The following MAST4 variants were observed in gnomAD, a reference collection of about 807,000 sequenced individuals.
MAST4 encodes the protein microtubule associated serine/threonine kinase family member 4.
Under a neutral mutation model 162.7 loss-of-function variants are expected in MAST4, and 89 were observed. The ratio of observed to expected loss-of-function variants is 0.55; its 90% confidence interval spans 0.46 to 0.65. The LOEUF is 0.65. MAST4 is among the 30% of genes least tolerant of loss of function. MAST4 has a pLI of 0.00. For synonymous variants in MAST4, 1,479 were observed against 1,361.1 expected, an observed-to-expected ratio of 1.09 and a Z score of -1.91; for missense variants, 3,153 against 3,374.0, an observed-to-expected ratio of 0.93 and a Z score of 1.62.
At chr5:66,809,911 T>C (rs894304712) in intron 3 of MAST4, among the ~76,000 whole-genome samples, 1 of 152,174 alleles carries the variant, frequency 6.6e-6, no homozygotes, top group Admixed American at 6.5e-5. Flanking sequence ...AATTTTTGTA[T>C]TTTTAGTAGA....
At position 67,164,401 on chromosome 5, in the gene MAST4, T is replaced by C. The variant is rs765575660; in HGVS notation, c.5222T>C (p.Phe1741Ser). The C allele has an allele frequency of 6.2e-7, 1 of 1,613,978 alleles. No homozygotes were observed. The highest frequency in any genetic ancestry group is 1.1e-5 in the South Asian group (1 of 91,084). The part of the protein sequence containing the change: ...EPPPASESRA[F>S]VSSTHAAQMS... The stretch of plus-strand genomic sequence containing the variant: ...CCGCCGGCTTCTGAGAGCCGAGCTT[T>C]TGTCAGCAGCACCCATGCAGCTCAG... The change falls in exon 29 of 29, where the codon TTT becomes TCT. Residue 1741 changes from phenylalanine to serine, a missense_variant. Transcript: ENST00000403625. The surrounding 1 kb of genome is among the most constrained non-coding windows in gnomAD (Gnocchi z 5.3).
Position 67,114,072 on chromosome 5 carries a change from A to T in MAST4, c.1459-15A>T, listed in dbSNP as rs368673253. 9 of 1,613,392 alleles carry T rather than the reference A, an allele frequency of 5.6e-6. No individual in the cohort carries two copies. Among genetic ancestry groups the T allele is most frequent in the Non-Finnish European group, 6.8e-6 (8 of 1,179,746 alleles). On this transcript the variant is annotated splice_polypyrimidine_tract_variant and intron_variant, in intron 11 of 28. Transcript: ENST00000403625. ...TGGCTCAAAGAAGTATCCATCTGTGATTGTCTTCGGCTAGGAATTTGATCC... is the reference window on the plus strand; with the variant it reads ...TGGCTCAAAGAAGTATCCATCTGTGTTTGTCTTCGGCTAGGAATTTGATCC...
At chr5:66,726,630 C>T (rs536433421) in intron 1 of MAST4, among the ~76,000 whole-genome samples, 18 of 152,054 alleles carry the variant, frequency 1.2e-4, no homozygotes, top group Non-Finnish European at 2.5e-4. Context: ...GATCAGGGGT[C>T]GCTAACCCCT....
intron 5 of MAST4, among the ~76,000 whole-genome samples, chr5:67,066,413 TTTATA>T (rs1205713782): frequency 6.6e-6 from 1 of 150,894 alleles, no homozygotes; most frequent in African/African-American, 2.4e-5. Context: ...CTTACATAAA[TTTATA>T]TAAATATGAT....
intron 4 of MAST4, among the ~76,000 whole-genome samples, chr5:66,923,289 T>G (rs27217): frequency 0.51 from 77,663 of 151,964 alleles, 20,065 homozygotes; most frequent in Middle Eastern, 0.59. Context: ...ACGCTGGGTA[T>G]TTAAAGGCTT....
chr5:66,799,087 T>C (rs905493021), intron 3 of MAST4, among the ~76,000 whole-genome samples: 2 of 152,076 alleles, frequency 1.3e-5, no homozygotes, highest in African/African-American at 4.8e-5. Flanking sequence ...AGGGTTGAGG[T>C]TTCTCATCTT....
chr5:66,957,758 GT>G (rs1371938614), intron 4 of MAST4, among the ~76,000 whole-genome samples: 1 of 152,146 alleles, frequency 6.6e-6, no homozygotes, highest in Non-Finnish European at 1.5e-5. Context: ...TTAGAAACAG[GT>G]AGCCCTCCAG....
At chr5:67,157,227 C>T (rs1338957133) in intron 26 of MAST4, among the ~76,000 whole-genome samples, 1 of 152,212 alleles carries the variant, frequency 6.6e-6, no homozygotes, top group African/African-American at 2.4e-5. Context: ...ATTTTTGTAA[C>T]CATTAATGCT....
chr5:66,900,658 A>G (rs144789641), intron 4 of MAST4, among the ~76,000 whole-genome samples: 1 of 152,264 alleles, frequency 6.6e-6, no homozygotes, highest in East Asian at 1.9e-4. Context: ...GCTGGTCTGG[A>G]AACATTTACA....
chr5:66,603,348 T>C (rs6449827), intron 1 of MAST4, among the ~76,000 whole-genome samples: 57,677 of 152,066 alleles, frequency 0.38, 13,251 homozygotes, highest in East Asian at 0.62. Flanking sequence ...TCCTGCAAGA[T>C]TTTATGAACA....
Position 67,160,489 on chromosome 5 carries a change from T to C in MAST4, c.3682T>C (p.Phe1228Leu), listed in dbSNP as rs2151111440. ...GNKVSITTTP[F>L]ENTSIKTGPA... ...TAAGGTGTCAATCACTACTACCCCATTTGAAAACACATCAATCAAAACTGG... is the reference window on the plus strand; with the variant it reads ...TAAGGTGTCAATCACTACTACCCCACTTGAAAACACATCAATCAAAACTGG... The change falls in exon 27 of 29, where the codon TTT (phenylalanine) becomes CTT (leucine). Residue 1228 changes from phenylalanine (F) to leucine (L), a missense_variant. Phe to Leu is a conservative substitution (Grantham distance 22, BLOSUM62 0). Around this residue, in one of 7 missense-constraint regions of MAST4, gnomAD observed 619 missense variants for 744.2 expected, o/e 0.83. Transcript: ENST00000403625. The C allele has an allele frequency of 3.7e-6, 6 of 1,613,896 alleles. No homozygotes were observed. The African/African-American group carries it at 8.0e-5, about 22-fold the overall frequency.
At chr5:66,951,778 T>G (rs1227765346) in intron 4 of MAST4, among the ~76,000 whole-genome samples, 1 of 152,114 alleles carries the variant, frequency 6.6e-6, no homozygotes, top group Non-Finnish European at 1.5e-5. Flanking sequence ...ATGAATCCTT[T>G]CCACACTCTT....
At chr5:66,664,283 A>G (rs1747098086) in intron 1 of MAST4, among the ~76,000 whole-genome samples, 1 of 151,872 alleles carries the variant, frequency 6.6e-6, no homozygotes, top group South Asian at 2.1e-4. Flanking sequence ...TAAAAATACA[A>G]AATTAGGTGG....
intron 9 of MAST4, among the ~76,000 whole-genome samples, chr5:67,102,822 A>C (rs915731575): frequency 2.0e-5 from 3 of 152,226 alleles, no homozygotes; most frequent in South Asian, 2.1e-4. Context: ...ACGTGTGCTG[A>C]GCTGGCTCTA....
chr5:66,785,664 A>G (rs940965709), intron 2 of MAST4, among the ~76,000 whole-genome samples: 1 of 152,156 alleles, frequency 6.6e-6, no homozygotes, highest in African/African-American at 2.4e-5. Flanking sequence ...TTATCTGTTC[A>G]GTGGTTTTCT....
intron 1 of MAST4, among the ~76,000 whole-genome samples, chr5:66,663,951 TGGTGGTGGA>T (rs1561246784): frequency 6.6e-6 from 1 of 151,898 alleles, no homozygotes; most frequent in Non-Finnish European, 1.5e-5. Context: ...GCCAGGGTGG[TGGTGGTGGA>T]GGTGGTGAGA....
At chr5:67,056,828 C>G (rs1758885573) in intron 5 of MAST4, among the ~76,000 whole-genome samples, 1 of 152,036 alleles carries the variant, frequency 6.6e-6, no homozygotes. Flanking sequence ...TCCTGGGTAG[C>G]TGGCATTATA....
At chr5:67,106,469 C>G (rs943510331) in intron 10 of MAST4, among the ~76,000 whole-genome samples, 1 of 152,182 alleles carries the variant, frequency 6.6e-6, no homozygotes, top group Non-Finnish European at 1.5e-5. Flanking sequence ...TAGACTCCCT[C>G]TCTCCCTTCA....
At chr5:67,011,273 C>T (rs369954660) in intron 4 of MAST4, among the ~76,000 whole-genome samples, 1 of 152,136 alleles carries the variant, frequency 6.6e-6, no homozygotes, top group East Asian at 1.9e-4. Context: ...AAGCCTGGCC[C>T]CACTTGTTGC....
Sources: gnomAD v4.1 joint callset for allele counts (sites outside exome capture counted in the v4.1 genomes callset) on GRCh38, gnomAD v4.1.1 for gene constraint, gnomAD v4.1.1 regional missense constraint, Gnocchi (gnomAD v3.1) non-coding constraint, MANE v1.5 for transcripts, NCBI Gene and HGNC (gene_info 2026-07-23, HGNC 2026-07-21) for gene names.